The following DLC1 variants were observed in gnomAD, a reference collection of about 807,000 sequenced individuals.
DLC1 encodes the protein rho GTPase-activating protein 7.
In DLC1, 54 loss-of-function variants were observed where a neutral mutation model predicts 140.3. The observed-to-expected ratio is 0.38, with a 90% CI of 0.31 to 0.48. The LOEUF (loss-of-function observed/expected upper bound fraction) is 0.48, where lower values mean the gene tolerates loss of function less well. Ranked by LOEUF, DLC1 falls within the 20% of genes least tolerant of loss-of-function variation. The probability of loss-of-function intolerance (pLI) is 0.96; values close to 1 mark genes in which losing one functional copy is unlikely to be tolerated. For missense variants in DLC1, 2,536 were observed against 1,907.0 expected (o/e 1.33, Z -6.14); for synonymous variants, 986 against 728.1 (o/e 1.35, Z -5.70).
chr8:13,088,403 C>G lies in DLC1; in HGVS notation c.4292+84G>C, dbSNP rs987064064. On this transcript the variant is annotated intron_variant, in intron 16 of 17. Transcript: ENST00000276297. The stretch of plus-strand genomic sequence containing the variant: ...CCGGCCTCTACTTTAAATAATTATA[C>G]CATCTTGTAAGATCAGTGACATATA... 18 of 1,457,618 alleles carry G rather than the reference C, an allele frequency of 1.2e-5. No individual in the cohort carries two copies. The South Asian group carries it at 2.3e-4, about 18-fold the overall frequency. The allele number at this position is 1,457,618 out of a possible 1,614,324, so 90.3% of individuals were successfully genotyped here. A position where few individuals can be genotyped will look rare whatever the true frequency, so the allele number is the denominator to read the frequency against.
intron 7 of DLC1, among the ~76,000 whole-genome samples, chr8:13,105,310 T>C (rs895401410): frequency 3.3e-5 from 5 of 152,198 alleles, no homozygotes; most frequent in African/African-American, 1.2e-4. Flanking sequence ...CCCCAAAGAA[T>C]GTACTCTGCT....
At chr8:13,106,027 C>T (rs1057424122) in intron 7 of DLC1, among the ~76,000 whole-genome samples, 1 of 152,224 alleles carries the variant, frequency 6.6e-6, no homozygotes, top group African/African-American at 2.4e-5. Flanking sequence ...AAGGACCCTC[C>T]CAGGCTGGGC....
chr8:13,279,225 A>G (rs754611989), intron 5 of DLC1, among the ~76,000 whole-genome samples: 16 of 152,246 alleles, frequency 1.1e-4, no homozygotes, highest in Non-Finnish European at 1.2e-4. Flanking sequence ...CAAGAGAACC[A>G]AGGTCTGGTT....
intron 4 of DLC1, among the ~76,000 whole-genome samples, chr8:13,319,531 C>G (rs10108750): frequency 0.43 from 64,858 of 149,500 alleles, 14,459 homozygotes; most frequent in Middle Eastern, 0.53. Flanking sequence ...TGAGTTCTTA[C>G]AAAATCTGGT....
At chr8:13,339,067 A>G (rs138714343) in intron 4 of DLC1, among the ~76,000 whole-genome samples, 1 of 152,238 alleles carries the variant, frequency 6.6e-6, no homozygotes, top group Admixed American at 6.5e-5. Flanking sequence ...ATACGGGCTC[A>G]GTAAATGTTT....
chr8:13,363,554 C>T (rs927373081), intron 4 of DLC1, among the ~76,000 whole-genome samples: 5 of 151,786 alleles, frequency 3.3e-5, no homozygotes, highest in East Asian at 1.9e-4. Context: ...ACACAGAAGG[C>T]ATGAGAGAGG....
chr8:13,388,448 A>G (rs1030448962), intron 4 of DLC1, among the ~76,000 whole-genome samples: 12 of 151,990 alleles, frequency 7.9e-5, no homozygotes, highest in Admixed American at 5.2e-4. Flanking sequence ...ATAAATCTGC[A>G]TTTGTGGTTT....
intron 1 of DLC1, among the ~76,000 whole-genome samples, chr8:13,525,744 A>T (rs1194739351): frequency 6.6e-6 from 1 of 152,174 alleles, no homozygotes; most frequent in Non-Finnish European, 1.5e-5. Context: ...GTGATTTGCA[A>T]ATATTTCTTC....
intron 5 of DLC1, chr8:13,214,168 T>C (rs1272941025): frequency 6.4e-6 from 1 of 155,960 alleles, no homozygotes; most frequent in Non-Finnish European, 1.4e-5. Context: ...AGATTTCAAG[T>C]GTGGTACACA....
At chr8:13,380,114 A>C (rs1836185965) in intron 4 of DLC1, among the ~76,000 whole-genome samples, 1 of 152,176 alleles carries the variant, frequency 6.6e-6, no homozygotes, top group African/African-American at 2.4e-5. Flanking sequence ...TAAAAGTTTG[A>C]CTGGGATGGA....
At chr8:13,113,203 T>G (rs1479852658) in intron 6 of DLC1, among the ~76,000 whole-genome samples, 3 of 152,234 alleles carry the variant, frequency 2.0e-5, no homozygotes. Context: ...GTATAGAAGA[T>G]GTTCTCTGAA....
chr8:13,176,539 ACTGCACT>A (rs1323809946), intron 5 of DLC1, among the ~76,000 whole-genome samples: 2 of 152,180 alleles, frequency 1.3e-5, no homozygotes, highest in Non-Finnish European at 2.9e-5. Context: ...AGATTGTGCC[ACTGCACT>A]CCAGCCTGGG....
At chr8:13,368,794 T>C (rs1337229033) in intron 4 of DLC1, among the ~76,000 whole-genome samples, 1 of 152,158 alleles carries the variant, frequency 6.6e-6, no homozygotes, top group African/African-American at 2.4e-5. Flanking sequence ...ATGTTAGTGA[T>C]GTTCTTCCTG....
At chr8:13,471,155 G>C (rs1800188964) in intron 2 of DLC1, among the ~76,000 whole-genome samples, 1 of 151,966 alleles carries the variant, frequency 6.6e-6, no homozygotes, top group African/African-American at 2.4e-5. Flanking sequence ...GGGGGAGGGA[G>C]AAATGGGGAG....
chr8:13,291,042 C>T (rs1042591712), intron 5 of DLC1, among the ~76,000 whole-genome samples: 2 of 152,092 alleles, frequency 1.3e-5, no homozygotes, highest in South Asian at 2.1e-4. Flanking sequence ...CAATTAGCTG[C>T]GATTACAAGT....
intron 5 of DLC1, among the ~76,000 whole-genome samples, chr8:13,189,779 G>T (rs1161390658): frequency 6.6e-6 from 1 of 152,128 alleles, no homozygotes; most frequent in Non-Finnish European, 1.5e-5. Flanking sequence ...CTACTCGGGA[G>T]GCTGAGGCAG....
chr8:13,099,203 T>C, intron 9 of DLC1, 144 bp downstream of exon 9: 1 of 1,441,166 alleles, frequency 6.9e-7, no homozygotes, highest in Non-Finnish European at 9.1e-7. Context: ...TGAATTTTGG[T>C]GCTTCCTGGT....
At chr8:13,405,344 G>C (rs1837478509) in intron 2 of DLC1, among the ~76,000 whole-genome samples, 1 of 151,778 alleles carries the variant, frequency 6.6e-6, no homozygotes, top group Non-Finnish European at 1.5e-5. Flanking sequence ...CCATCTTTAT[G>C]TCTTTGAGTG....
chr8:13,589,568 TG>T (rs1257754680), intron 1 of DLC1, among the ~76,000 whole-genome samples: 1 of 152,108 alleles, frequency 6.6e-6, no homozygotes, highest in African/African-American at 2.4e-5. Context: ...ATCTTTAATT[TG>T]CAATTATCTT....
Sources: gnomAD v4.1 joint callset for allele counts (sites outside exome capture counted in the v4.1 genomes callset) on GRCh38, gnomAD v4.1.1 for gene constraint, MANE v1.5 for transcripts, NCBI Gene and HGNC (gene_info 2026-07-23, HGNC 2026-07-21) for gene names.